Variants in MYCBP2 observed in about 807,000 individuals in gnomAD.
The protein encoded by MYCBP2 is E3 ubiquitin-protein ligase MYCBP2.
Under a neutral mutation model 525.3 loss-of-function variants are expected in MYCBP2, and 120 were observed. That is an observed-to-expected ratio of 0.23 (90% confidence interval 0.20 to 0.27). The LOEUF (loss-of-function observed/expected upper bound fraction) is 0.27. MYCBP2 is among the 10% of genes least tolerant of loss of function. The pLI, the probability that MYCBP2 is intolerant of heterozygous loss-of-function variation, is 1.00. For synonymous variants in MYCBP2, 1,894 were observed against 1,955.8 expected (o/e 0.97, Z 0.83); for missense variants, 4,149 against 5,657.1 (o/e 0.73, Z 8.55).
In MYCBP2 at chr13:77,095,368, T is replaced by A; in HGVS notation, c.10189A>T (p.Thr3397Ser). 1 of 1,613,276 alleles carries A rather than the reference T, an allele frequency of 6.2e-7. No homozygotes were observed. Among genetic ancestry groups the A allele is most frequent in the East Asian group, 2.2e-5 (1 of 44,796 alleles). ...PVKMPCLYLQTLARHHHENFV... is the reference protein window; with the variant it reads ...PVKMPCLYLQSLARHHHENFV... ...GCAAAATTTTATTACCTAGCTAATG[T>A]CTGCAGGTAGAGACAAGGCATTTTC... Residue 3397 changes from threonine to serine, a missense_variant, in exon 58 of 83, where the codon ACA becomes TCA. Transcript: ENST00000544440.
chr13:77,252,252 T>C (rs942797190), intron 14 of MYCBP2, among the ~76,000 whole-genome samples: 8 of 152,184 alleles, frequency 5.3e-5, no homozygotes, highest in African/African-American at 1.9e-4. Flanking sequence ...CTGTGGCCCA[T>C]ACAAATCTTT....
In MYCBP2 at chr13:77,278,761, G is replaced by A; in HGVS notation, c.745C>T (p.Leu249=). Residue 249 remains leucine, a synonymous_variant, in exon 4 of 83, where the codon CTA becomes TTA. Coordinates refer to ENST00000544440, the MANE Select transcript of MYCBP2 (RefSeq NM_015057.5). ...EGLQSEPPEV[L]ESLFQLLLEI... is the part of the protein sequence containing the mutation. ...CTGAATGAGCCTTGGCTCTTACCTA[G>A]GACCTCAGGTGGCTCAGACTGGAGG... 1 of 1,535,766 alleles carries A rather than the reference G, an allele frequency of 6.5e-7. No homozygotes were observed. The highest frequency in any genetic ancestry group is 8.7e-7 in the Non-Finnish European group (1 of 1,146,444).
intron 65 of MYCBP2, among the ~76,000 whole-genome samples, chr13:77,079,492 G>C (rs868297487): frequency 2.0e-5 from 3 of 152,156 alleles, no homozygotes; most frequent in Admixed American, 6.6e-5. Flanking sequence ...TCAAGAAATA[G>C]ATTAACATTA....
chr13:77,201,497 C>A (rs1382659620), intron 26 of MYCBP2, among the ~76,000 whole-genome samples: 2 of 152,178 alleles, frequency 1.3e-5, no homozygotes, highest in East Asian at 1.9e-4. Flanking sequence ...GACAGAAAGT[C>A]AACAAGGATA....
intron 57 of MYCBP2, 60 bp downstream of exon 57, chr13:77,096,252 G>T: frequency 2.1e-6 from 3 of 1,458,564 alleles, no homozygotes; most frequent in Non-Finnish European, 2.8e-6. Flanking sequence ...ATTATAACAA[G>T]GTATTTTTAT....
At chr13:77,234,901 GAAA>G (rs1012350147) in intron 17 of MYCBP2, among the ~76,000 whole-genome samples, 6 of 151,842 alleles carry the variant, frequency 4.0e-5, no homozygotes, top group Non-Finnish European at 7.4e-5. Flanking sequence ...TTCTCCTCAT[GAAA>G]ATACATCACA....
intron 59 of MYCBP2, among the ~76,000 whole-genome samples, chr13:77,091,839 A>G (rs892919145): frequency 5.3e-5 from 8 of 152,218 alleles, no homozygotes; most frequent in Admixed American, 5.2e-4. Context: ...CTCTTGCCTC[A>G]GCCTCCTGGA....
At chr13:77,266,860 C>T (rs545291121) in intron 8 of MYCBP2, among the ~76,000 whole-genome samples, 1 of 150,472 alleles carries the variant, frequency 6.6e-6, no homozygotes, top group Non-Finnish European at 1.5e-5. Context: ...CTGAAATGGA[C>T]ATGAAATGTC....
At chr13:77,216,475 CAG>C (rs1261433246) in intron 21 of MYCBP2, among the ~76,000 whole-genome samples, 1 of 152,042 alleles carries the variant, frequency 6.6e-6, no homozygotes, top group Non-Finnish European at 1.5e-5. Context: ...AAAGGAGAAA[CAG>C]TACAGAAATC....
intron 36 of MYCBP2, among the ~76,000 whole-genome samples, chr13:77,175,543 C>T (rs984763317): frequency 8.5e-5 from 13 of 152,064 alleles, no homozygotes; most frequent in Non-Finnish European, 1.5e-4. Flanking sequence ...TCTCGTGTAC[C>T]GATCTTATCC....
intron 68 of MYCBP2, 24 bp from the exon 69 acceptor site, chr13:77,070,735 A>T: frequency 1.3e-6 from 2 of 1,516,508 alleles, no homozygotes; most frequent in Non-Finnish European, 1.8e-6. Flanking sequence ...AAGAAAAAAA[A>T]AAAAAAGAAT....
At chr13:77,285,150 C>T (rs909788530) in intron 3 of MYCBP2, among the ~76,000 whole-genome samples, 3 of 152,084 alleles carry the variant, frequency 2.0e-5, no homozygotes, top group Non-Finnish European at 4.4e-5. Flanking sequence ...TTTAAACACC[C>T]TAGGAATCCA....
intron 7 of MYCBP2, among the ~76,000 whole-genome samples, chr13:77,268,716 T>G (rs1594502825): frequency 6.6e-6 from 1 of 151,974 alleles, no homozygotes; most frequent in Middle Eastern, 3.4e-3. Context: ...GAGGCGGAGG[T>G]TGCAGTGAGC....
chr13:77,219,600 C>T (rs1188351421), intron 20 of MYCBP2, among the ~76,000 whole-genome samples: 1 of 151,932 alleles, frequency 6.6e-6, no homozygotes, highest in Non-Finnish European at 1.5e-5. Flanking sequence ...ATAGCAAGGA[C>T]ACAACAGGTT....
chr13:77,067,956 C>T (rs1431898770), intron 70 of MYCBP2, 92 bp from the exon 71 acceptor site: 18 of 1,327,838 alleles, frequency 1.4e-5, no homozygotes, highest in Non-Finnish European at 1.7e-5. Context: ...AAGACAGGGT[C>T]TTGCTTTGTT....
intron 21 of MYCBP2, among the ~76,000 whole-genome samples, chr13:77,214,594 C>T (rs1451998768): frequency 2.0e-5 from 3 of 152,140 alleles, no homozygotes; most frequent in African/African-American, 4.8e-5. Flanking sequence ...TATTTATGTA[C>T]AGTCACATGT....
At position 77,156,192 on chromosome 13, in the gene MYCBP2, G is replaced by A; in HGVS notation, c.6781C>T (p.Pro2261Ser). Residue 2261 changes from proline to serine, a missense_variant, in exon 46 of 83, where the codon CCA becomes TCA. Transcript: ENST00000544440. ...SGGRLARWLQ[P>S]DSYADPQKTS... ...TTCTGAGGATCCGCATATGAATCTG[G>A]CTGAAGCCACCTAACAGTAATGAAA... 1 of 1,612,888 alleles carries A rather than the reference G, an allele frequency of 6.2e-7. No homozygotes were observed. The highest frequency in any genetic ancestry group is 8.5e-7 in the Non-Finnish European group (1 of 1,179,254).
Position 77,095,456 on chromosome 13 carries a change from A to C in MYCBP2, c.10101T>G (p.Pro3367=). ...GCAACTGAGATTGGAATGGCTTTGC[A>C]GGATGGTAACACAGAATGCTCGGTT... ...AAEPSILCYH[P]AKPFQSQLPS... The change falls in exon 58 of 83, where the codon CCT becomes CCG. Residue 3367 remains proline, a synonymous_variant. Transcript: ENST00000544440. 6.2e-7 allele frequency: 1 copy of C among 1,613,586 alleles called. No homozygotes were observed. Among genetic ancestry groups the C allele is most frequent in the Middle Eastern group, 1.7e-4 (1 of 6,056 alleles).
chr13:77,069,104 T>TTA (rs1324017580), intron 69 of MYCBP2, among the ~76,000 whole-genome samples: 3 of 152,204 alleles, frequency 2.0e-5, no homozygotes, highest in African/African-American at 7.2e-5. Flanking sequence ...TGCTTACAGT[T>TTA]TAGCACGTCA....
Sources: gnomAD v4.1 joint callset for allele counts (sites outside exome capture counted in the v4.1 genomes callset) on GRCh38, gnomAD v4.1.1 for gene constraint, MANE v1.5 for transcripts, NCBI Gene and HGNC (gene_info 2026-07-23, HGNC 2026-07-21) for gene names.